Variants in MIEF2 observed in about 807,000 individuals in gnomAD.
MIEF2 encodes the protein mitochondrial dynamics protein MID49.
Under a neutral mutation model 7.4 loss-of-function variants are expected in MIEF2, and 1 was observed. The observed-to-expected ratio is 0.14, with a 90% CI of 0.05 to 0.64. The LOEUF (loss-of-function observed/expected upper bound fraction) is 0.64. MIEF2 is among the 30% of genes least tolerant of loss of function. MIEF2 has a pLI of 0.85. For synonymous variants in MIEF2, 275 were observed against 290.5 expected (o/e 0.95, Z 0.54); for missense variants, 569 against 623.9 (o/e 0.91, Z 0.94).
rs781021060 is a variant in MIEF2, at chr17:18,264,097, G to A, written c.698G>A (p.Cys233Tyr). The change falls in exon 4 of 4, where the codon TGC becomes TAC. Residue 233 changes from cysteine to tyrosine, a missense_variant. Physicochemically the swap from Cys to Tyr is radical, Grantham distance 194. Transcript: ENST00000323019. ...GTGCGCAGGACGCAGCTTGAGTTCT[G>A]CCCCCGTGGGAGCAGCCCCTGGGAC... ...WAVRRTQLEF[C>Y]PRGSSPWDRF... The A allele has an allele frequency of 6.4e-7, 1 of 1,551,542 alleles. No individual in the cohort carries two copies.
At chr17:18,262,945 G>A (rs1276097647) in intron 2 of MIEF2, 78 bp downstream of exon 2, 11 of 1,523,864 alleles carry the variant, frequency 7.2e-6, no homozygotes, top group African/African-American at 1.4e-5. Context: ...GGGGCCCTGG[G>A]GAGGGGTGGG....
Position 18,262,758 on chromosome 17 carries a change from G to C in MIEF2, c.38G>C (p.Ser13Thr). Residue 13 changes from serine to threonine, a missense_variant, in exon 2 of 4, where the codon AGC becomes ACC. Physicochemically the swap from Ser to Thr is moderately conservative, Grantham distance 58. Transcript: ENST00000323019. The stretch of plus-strand genomic sequence containing the variant: ...TCCCAGAAACGGGGGAAGCGGCGTA[G>C]CGACGAAGGGCTGGGCAGCATGGTG... ...EFSQKRGKRRSDEGLGSMVDF... is the reference protein window; with the variant it reads ...EFSQKRGKRRTDEGLGSMVDF... The C allele has an allele frequency of 6.2e-7, 1 of 1,608,208 alleles. No homozygotes were observed. The highest frequency in any genetic ancestry group is 8.5e-7 in the Non-Finnish European group (1 of 1,176,992).
At position 18,263,806 on chromosome 17, in the gene MIEF2, G is replaced by A. The variant is rs374972603; in HGVS notation, c.407G>A (p.Arg136Gln). Residue 136 changes from arginine to glutamine, a missense_variant, in exon 4 of 4, where the codon CGG becomes CAG. Coordinates refer to ENST00000323019, the MANE Select transcript of MIEF2 (RefSeq NM_139162.4). ...TLQERLLAFE[R>Q]DRVTIPAAQV... ...CAGGAGAGGCTGCTGGCCTTCGAGC[G>A]GGACCGTGTGACCATCCCAGCAGCC... The A allele has an allele frequency of 1.1e-5, 17 of 1,609,588 alleles. No individual in the cohort carries two copies. The highest frequency in any genetic ancestry group is 6.7e-5 in the African/African-American group (5 of 74,940).
rs1978727480 is a variant in MIEF2, at chr17:18,265,953, A to G, written c.*1189A>G. The G allele has an allele frequency of 6.6e-6, 1 of 152,332 alleles. No homozygotes were observed. The highest frequency in any genetic ancestry group is 2.4e-5 in the African/African-American group (1 of 41,560). 9.4% of individuals were successfully genotyped at this position (152,332 alleles called of 1,614,324 possible). A position where few individuals can be genotyped will look rare whatever the true frequency, so the allele number is the denominator to read the frequency against. On this transcript the variant is annotated 3_prime_UTR_variant, in exon 4 of 4. Coordinates refer to ENST00000323019, the MANE Select transcript of MIEF2 (RefSeq NM_139162.4). ...CCGGGTGTGGTGGCTCGCATCTGTA[A>G]TCCCAGCACATCGGGAGGCCGAGGC...
chr17:18,264,683 C>T lies in MIEF2; in HGVS notation c.1284C>T (p.Phe428=), dbSNP rs1597941039. Residue 428 remains phenylalanine (F), a synonymous_variant, in exon 4 of 4, where the codon TTC becomes TTT. Coordinates refer to ENST00000323019, the MANE Select transcript of MIEF2 (RefSeq NM_139162.4). ...PCHFNPSVNL[F]SSLREEEIDD... The stretch of plus-strand genomic sequence containing the variant: ...ACTTCAACCCCAGCGTGAACCTCTT[C>T]AGCAGCTTGCGTGAGGAGGAGATTG... 3 of 1,612,834 alleles carry T rather than the reference C, an allele frequency of 1.9e-6. No individual in the cohort carries two copies. The East Asian group carries it at 6.7e-5, about 36-fold the overall frequency.
At position 18,263,871 on chromosome 17, in the gene MIEF2, C is replaced by T. The variant is rs1978567390; in HGVS notation, c.472C>T (p.Leu158=). Residue 158 remains leucine, a synonymous_variant, in exon 4 of 4, where the codon CTG becomes TTG. Transcript: ENST00000323019. The part of the protein sequence containing the change: ...LAKQLAGDIA[L]ELQAYFRSKF... Reference sequence around the variant, plus strand: ...CAAACAGCTGGCTGGCGACATCGCCCTGGAGCTGCAGGCCTACTTTCGGAG... The same window carrying T: ...CAAACAGCTGGCTGGCGACATCGCCTTGGAGCTGCAGGCCTACTTTCGGAG... 2 of 1,604,378 alleles carry T rather than the reference C, an allele frequency of 1.2e-6. No individual in the cohort carries two copies. The highest frequency in any genetic ancestry group is 1.7e-6 in the Non-Finnish European group (2 of 1,179,890).
In MIEF2 at chr17:18,264,540, G is replaced by C; in HGVS notation, c.1141G>C (p.Val381Leu). ...GQLGRGHLTQ[V>L]VLRLGEDNVD... ...GCTAGGCCGGGGTCACCTGACCCAG[G>C]TGGTCCTGCGTCTGGGGGAGGACAA... The change falls in exon 4 of 4, where the codon GTG becomes CTG. Residue 381 changes from valine to leucine, a missense_variant. Val to Leu is a conservative substitution (Grantham distance 32). Coordinates refer to ENST00000323019, the MANE Select transcript of MIEF2 (RefSeq NM_139162.4). 6.2e-7 allele frequency: 1 copy of C among 1,610,382 alleles called. No homozygotes were observed. The highest frequency in any genetic ancestry group is 1.1e-5 in the South Asian group (1 of 91,066).
At chr17:18,261,004 G>T in intron 1 of MIEF2, 1 of 1,157,536 alleles carries the variant, frequency 8.6e-7, no homozygotes, top group South Asian at 1.4e-5. Flanking sequence ...GGCAGGTTTG[G>T]CGGAGGAGGG....
At chr17:18,262,673 C>T (rs1355141957) in intron 1 of MIEF2, 41 bp from the exon 2 acceptor site, 1 of 1,529,268 alleles carries the variant, frequency 6.5e-7, no homozygotes, top group Non-Finnish European at 8.8e-7. Flanking sequence ...AGCCTGGCCA[C>T]CTGCACCTGA....
At chr17:18,263,683 C>T in intron 3 of MIEF2, 27 bp from the exon 4 acceptor site, 2 of 1,531,678 alleles carry the variant, frequency 1.3e-6, no homozygotes, top group Non-Finnish European at 1.8e-6. Flanking sequence ...GCTGTTCCGA[C>T]ATGTTCCCCG....
Position 18,264,800 on chromosome 17 carries a change from G to C in MIEF2, c.*36G>C. The C allele has an allele frequency of 6.3e-7, 1 of 1,575,018 alleles. No individual in the cohort carries two copies. The highest frequency in any genetic ancestry group is 8.6e-7 in the Non-Finnish European group (1 of 1,157,470). ...ACGGGTGGTTGCCATGTTTTCTAAT[G>C]CTGGGGAGCTGCACCCACCTCCCTT... On this transcript the variant is annotated 3_prime_UTR_variant, in exon 4 of 4. Coordinates refer to ENST00000323019, the MANE Select transcript of MIEF2 (RefSeq NM_139162.4).
chr17:18,261,071 C>T (rs1978387827), intron 1 of MIEF2: 1 of 1,543,312 alleles, frequency 6.5e-7, no homozygotes, highest in African/African-American at 1.4e-5. Context: ...TTCAGCCACC[C>T]GTGCCCTTTC....
Position 18,263,927 on chromosome 17 carries a change from C to T in MIEF2, c.528C>T (p.Phe176=), listed in dbSNP as rs138685897. 41 of 1,597,048 alleles carry T rather than the reference C, an allele frequency of 2.6e-5. No individual in the cohort carries two copies. Among genetic ancestry groups the T allele is most frequent in the African/African-American group, 4.0e-5 (3 of 74,992 alleles). ...SKFPELPFGA[F]VPGGPLYDGL... ...TCCCGGAACTGCCCTTTGGGGCATT[C>T]GTGCCTGGGGGGCCGCTCTACGACG... is the stretch of plus-strand genomic sequence containing the variant. Residue 176 remains phenylalanine (F), a synonymous_variant, in exon 4 of 4, where the codon TTC becomes TTT. Coordinates refer to ENST00000323019, the MANE Select transcript of MIEF2 (RefSeq NM_139162.4).
At chr17:18,263,489 C>T (rs1179827779) in intron 3 of MIEF2, 3 of 833,506 alleles carry the variant, frequency 3.6e-6, no homozygotes, top group Non-Finnish European at 5.9e-6. Context: ...TACCTACCTA[C>T]TCTGCATGAA....
chr17:18,263,590 C>T lies in MIEF2; in HGVS notation c.311-120C>T, dbSNP rs558784807. 3.8e-6 allele frequency: 5 copies of T among 1,320,692 alleles called. No homozygotes were observed. The South Asian group carries it at 7.5e-5, about 20-fold the overall frequency. The allele number at this position is 1,320,692 out of a possible 1,614,324, so 81.8% of individuals were successfully genotyped here. A position where few individuals can be genotyped will look rare whatever the true frequency, so the allele number is the denominator to read the frequency against. On this transcript the variant is annotated intron_variant, in intron 3 of 3. Transcript: ENST00000323019. ...TGAGGATCTGAACTGAGTGCCTTCT[C>T]AGGTGCCACTGCAGGTGAGAAAAGT...
chr17:18,262,961 C>T (rs1978496917), intron 2 of MIEF2, 94 bp downstream of exon 2: 3 of 1,539,160 alleles, frequency 1.9e-6, no homozygotes, highest in Non-Finnish European at 2.6e-6. Flanking sequence ...GTGGGGACTG[C>T]CCAAGGCCTT....
chr17:18,265,575 AGT>A lies in MIEF2; in HGVS notation c.*815_*816del. On this transcript the variant is annotated 3_prime_UTR_variant, in exon 4 of 4. Coordinates refer to ENST00000323019, the MANE Select transcript of MIEF2 (RefSeq NM_139162.4). The stretch of plus-strand genomic sequence containing the variant: ...GTCCGGTGTGCACAGCCGGCCTCCC[AGT>A]GTGCCAAAATGAACTGCTCTCAGCT... 6.6e-6 allele frequency: 1 copy of A among 152,356 alleles called. No homozygotes were observed. The highest frequency in any genetic ancestry group is 1.9e-4 in the East Asian group (1 of 5,168). 9.4% of individuals were successfully genotyped at this position (152,356 alleles called of 1,614,324 possible).
intron 1 of MIEF2, 58 bp downstream of exon 1, chr17:18,260,795 G>A (rs963315931): frequency 3.2e-6 from 1 of 311,402 alleles, no homozygotes; most frequent in East Asian, 6.8e-5. Flanking sequence ...GGCTTGGCGC[G>A]CGACGGAACG....
At chr17:18,263,044 C>T (rs1978500861) in intron 2 of MIEF2, 42 bp from the exon 3 acceptor site, 1 of 1,600,614 alleles carries the variant, frequency 6.2e-7, no homozygotes, top group Non-Finnish European at 8.5e-7. Flanking sequence ...GCTATGACTG[C>T]CCAGATTTCA....
Sources: gnomAD v4.1 joint callset for allele counts on GRCh38, gnomAD v4.1.1 for gene constraint, MANE v1.5 for transcripts, NCBI Gene and HGNC (gene_info 2026-07-23, HGNC 2026-07-21) for gene names.